The following RNASE4 variants were observed in gnomAD, a reference collection of about 807,000 sequenced individuals.
RNASE4 encodes ribonuclease 4.
For missense variants in RNASE4, 194 were observed against 192.8 expected (o/e 1.01, Z -0.04); for synonymous variants, 93 against 71.4 (o/e 1.30, Z -1.52).
At chr14:20,699,079 A>T in intron 1 of RNASE4, 2 of 309,150 alleles carry the variant, frequency 6.5e-6, no homozygotes, top group Non-Finnish European at 1.2e-5. Flanking sequence ...CCTGGCAGCC[A>T]CGCAGTCAGT....
chr14:20,692,996 C>G (rs554631109), intron 1 of RNASE4, among the ~76,000 whole-genome samples: 1 of 151,928 alleles, frequency 6.6e-6, no homozygotes, highest in East Asian at 1.9e-4. Flanking sequence ...TACAGGCGCC[C>G]GCCACTACGC....
At chr14:20,688,108 T>C (rs1335080812) in intron 1 of RNASE4, among the ~76,000 whole-genome samples, 1 of 152,130 alleles carries the variant, frequency 6.6e-6, no homozygotes, top group African/African-American at 2.4e-5. Flanking sequence ...GATCAGAAGA[T>C]TGAATGTTCA....
rs1031627031 is a variant in RNASE4, at chr14:20,700,787, T to A, written c.*972T>A. 6.3e-6 allele frequency: 1 copy of A among 158,734 alleles called. No individual in the cohort carries two copies. Among genetic ancestry groups the A allele is most frequent in the Non-Finnish European group, 1.5e-5 (1 of 68,078 alleles). 9.8% of individuals were successfully genotyped at this position (158,734 alleles called of 1,614,324 possible). ...GAATGATTCCTCTCAAAGACAATTC[T>A]CACAGCTCTTCCTTCTCCCTTAGAA... is the stretch of plus-strand genomic sequence containing the variant. On this transcript the variant is annotated 3_prime_UTR_variant, in exon 2 of 2. Transcript: ENST00000555835.
Position 20,699,948 on chromosome 14 carries a change from C to A in RNASE4, c.*133C>A. 1 of 744,762 alleles carries A rather than the reference C, an allele frequency of 1.3e-6. No homozygotes were observed. Among genetic ancestry groups the A allele is most frequent in the East Asian group, 2.6e-5 (1 of 38,992 alleles). 46.1% of individuals were successfully genotyped at this position (744,762 alleles called of 1,614,324 possible). A position where few individuals can be genotyped will look rare whatever the true frequency, so the allele number is the denominator to read the frequency against. ...TCCTACTCTTTTTCTCTATATAACT[C>A]ATTCTATTAAATACATTGCACCAAA... On this transcript the variant is annotated 3_prime_UTR_variant, in exon 2 of 2. Transcript: ENST00000555835.
In RNASE4 at chr14:20,699,657, A is replaced by C; in HGVS notation, c.286A>C (p.Lys96Gln). Residue 96 changes from lysine (K) to glutamine (Q), a missense_variant, in exon 2 of 2, where the codon AAG becomes CAG. Physicochemically the swap from Lys to Gln is moderately conservative, Grantham distance 53. Transcript: ENST00000555835. ...CACCAATATCCAATGCAAGAACGGCAAGATGAACTGCCATGAGGGTGTAGT... is the reference window on the plus strand; with the variant it reads ...CACCAATATCCAATGCAAGAACGGCCAGATGAACTGCCATGAGGGTGTAGT... ...STTNIQCKNG[K>Q]MNCHEGVVKV... 6.2e-7 allele frequency: 1 copy of C among 1,612,146 alleles called. No homozygotes were observed. The highest frequency in any genetic ancestry group is 8.5e-7 in the Non-Finnish European group (1 of 1,180,012).
At chr14:20,685,892 T>C (rs1212906618) in intron 1 of RNASE4, among the ~76,000 whole-genome samples, 1 of 151,752 alleles carries the variant, frequency 6.6e-6, no homozygotes, top group Non-Finnish European at 1.5e-5. Flanking sequence ...ATACAAAAAT[T>C]AGCCGGGCAC....
chr14:20,700,042 A>G lies in RNASE4; in HGVS notation c.*227A>G. 1 of 555,724 alleles carries G rather than the reference A, an allele frequency of 1.8e-6. No homozygotes were observed. 34.4% of individuals were successfully genotyped at this position (555,724 alleles called of 1,614,324 possible). ...TCTGTAATAAGCTTCCTTTTATAAT[A>G]CTGGTCAGCTTAGCTCTCTCAGATC... On this transcript the variant is annotated 3_prime_UTR_variant, in exon 2 of 2. Transcript: ENST00000555835.
intron 1 of RNASE4, among the ~76,000 whole-genome samples, chr14:20,697,753 C>T (rs1449684993): frequency 1.3e-5 from 2 of 152,244 alleles, no homozygotes; most frequent in East Asian, 3.8e-4. Flanking sequence ...TTGGACTGCA[C>T]ATACAGAGTT....
In RNASE4 at chr14:20,690,239, A is replaced by AAAG. The variant is rs1366032827; in HGVS notation, c.-18+5483_-18+5484insGAA. On this transcript the variant is annotated intron_variant, in intron 1 of 1. Transcript: ENST00000555835. ...TCCGTCTCAAAAAAAAAAAAAAAAA[A>AAAG]AAAAAAAAAGAAAAGAAAAGAAAAA... is the stretch of plus-strand genomic sequence containing the variant. Among the ~76,000 whole-genome samples the AAAG allele has an allele frequency of 2.9e-3, 436 of 149,822 alleles. 4 individuals carry two copies. Among genetic ancestry groups the AAAG allele is most frequent in the African/African-American group, 0.01 (412 of 40,538 alleles).
chr14:20,686,846 C>T (rs1300588356), intron 1 of RNASE4, among the ~76,000 whole-genome samples: 2 of 152,140 alleles, frequency 1.3e-5, no homozygotes, highest in African/African-American at 4.8e-5. Flanking sequence ...TCCATTCTTC[C>T]CATCATCTAA....
rs141055235 is a variant in RNASE4 at position 20,693,796 on chromosome 14, A to G, written c.-17-5559A>G. ...TATTCATGGCAACAAGCGCAGCATC[A>G]AGGCCATCTGTGAAAACAAGAATGG... On this transcript the variant is annotated intron_variant, in intron 1 of 1. Transcript: ENST00000555835. The G allele has an allele frequency of 9.5e-5, 154 of 1,614,232 alleles. No homozygotes were observed. Among genetic ancestry groups the G allele is most frequent in the Non-Finnish European group, 1.1e-4 (131 of 1,180,032 alleles).
In RNASE4 at chr14:20,694,543, G is replaced by A. The variant is rs572554751; in HGVS notation, c.-17-4812G>A. 9.5e-4 allele frequency among the ~76,000 whole-genome samples: 145 copies of A among 151,846 alleles called. 4 individuals are homozygous for A. The highest frequency in any genetic ancestry group is 4.6e-4 in the Non-Finnish European group (31 of 67,956). On this transcript the variant is annotated intron_variant, in intron 1 of 1. Transcript: ENST00000555835. Reference sequence around the variant, plus strand: ...TTGAACTCCTGACCTCGGGAGATCCGCCCACCTTGGCCTCTCAAAGTGCTG... The same window carrying A: ...TTGAACTCCTGACCTCGGGAGATCCACCCACCTTGGCCTCTCAAAGTGCTG...
chr14:20,693,339 T>C (rs369021947), intron 1 of RNASE4: 661 of 636,704 alleles, frequency 1.0e-3, no homozygotes, highest in Non-Finnish European at 1.6e-3. Flanking sequence ...GAGCTAGAGG[T>C]TGTGCTCAGG....
At chr14:20,696,668 G>A (rs979591686) in intron 1 of RNASE4, among the ~76,000 whole-genome samples, 1 of 151,652 alleles carries the variant, frequency 6.6e-6, no homozygotes, top group Non-Finnish European at 1.5e-5. Context: ...ATGCAACTCT[G>A]TAGTCATTCA....
chr14:20,691,937 G>A (rs1305341476), intron 1 of RNASE4, among the ~76,000 whole-genome samples: 1 of 152,198 alleles, frequency 6.6e-6, no homozygotes, highest in Non-Finnish European at 1.5e-5. Flanking sequence ...CACAGGCCTA[G>A]TGCCAGGACC....
Position 20,699,462 on chromosome 14 carries a change from G to C in RNASE4, c.91G>C (p.Gly31Arg), listed in dbSNP as rs973853566. The change falls in exon 2 of 2, where the codon GGC becomes CGC. Residue 31 changes from glycine (G) to arginine (R), a missense_variant. Gly to Arg is a moderately radical substitution (Grantham distance 125, BLOSUM62 -2). Coordinates refer to ENST00000555835, the MANE Select transcript of RNASE4 (RefSeq NM_002937.5). Reference sequence around the variant, plus strand: ...GGTCCAGCCCTCCTATGGCCAGGATGGCATGTACCAGCGATTCCTGCGGCA... The same window carrying C: ...GGTCCAGCCCTCCTATGGCCAGGATCGCATGTACCAGCGATTCCTGCGGCA... ...GLVQPSYGQDGMYQRFLRQHV... is the reference protein window; with the variant it reads ...GLVQPSYGQDRMYQRFLRQHV... The C allele has an allele frequency of 9.3e-6, 15 of 1,613,858 alleles. No homozygotes were observed. The highest frequency in any genetic ancestry group is 1.3e-5 in the Non-Finnish European group (15 of 1,180,012).
In RNASE4 at chr14:20,693,485, C is replaced by G. The variant is rs1886912110; in HGVS notation, c.-17-5870C>G. On this transcript the variant is annotated intron_variant, in intron 1 of 1. Transcript: ENST00000555835. Reference sequence around the variant, plus strand: ...CGTGTCAGAGAGCAAAGCTCCTGTCCTTTTGGCCTAATTTGGTGATGCTGT... The same window carrying G: ...CGTGTCAGAGAGCAAAGCTCCTGTCGTTTTGGCCTAATTTGGTGATGCTGT... 2.5e-6 allele frequency: 4 copies of G among 1,597,246 alleles called. No individual in the cohort carries two copies. In the East Asian group the frequency reaches 8.9e-5, roughly 36 times the overall value.
chr14:20,693,371 G>A (rs902916686), intron 1 of RNASE4: 6 of 772,086 alleles, frequency 7.8e-6, no homozygotes, highest in East Asian at 2.7e-5. Flanking sequence ...TAGACGTTCC[G>A]CAGGAAGGGA....
At chr14:20,689,150 G>T (rs1158633286) in intron 1 of RNASE4, among the ~76,000 whole-genome samples, 1 of 152,186 alleles carries the variant, frequency 6.6e-6, no homozygotes, top group Non-Finnish European at 1.5e-5. Flanking sequence ...TTTGCTGAAG[G>T]CCATCGGGAG....
Sources: gnomAD v4.1 joint callset for allele counts (sites outside exome capture counted in the v4.1 genomes callset) on GRCh38, gnomAD v4.1.1 for gene constraint, MANE v1.5 for transcripts, NCBI Gene and HGNC (gene_info 2026-07-23, HGNC 2026-07-21) for gene names.